The following CTNNA3 variants were observed in gnomAD, a reference collection of about 807,000 sequenced individuals.
The protein encoded by CTNNA3 is catenin alpha 3.
Under a neutral mutation model 95.7 loss-of-function variants are expected in CTNNA3, and 76 were observed. The ratio of observed to expected loss-of-function variants is 0.79; its 90% CI spans 0.66 to 0.96. The LOEUF (loss-of-function observed/expected upper bound fraction) is 0.96. Among genes scored for constraint, CTNNA3 ranks in the 40% least tolerant of loss-of-function variants. The pLI, the probability that CTNNA3 is intolerant of heterozygous loss-of-function variation, is 0.00. For synonymous variants in CTNNA3, 431 were observed against 374.4 expected, an observed-to-expected ratio of 1.15 and a Z score of -1.74; for missense variants, 1,191 against 1,089.8, an observed-to-expected ratio of 1.09 and a Z score of -1.31.
rs937928340 is a variant in CTNNA3, at chr10:67,732,083, C to CT, written c.-2+31350dup. Among the ~76,000 whole-genome samples the CT allele has an allele frequency of 3.1e-3, 433 of 141,936 alleles. 3 individuals carry two copies. Among genetic ancestry groups the CT allele is most frequent in the African/African-American group, 7.0e-3 (274 of 38,952 alleles). 93.1% of individuals were successfully genotyped at this position (141,936 alleles called of 152,430 possible). On this transcript the variant is annotated intron_variant, in intron 1 of 17. Transcript: ENST00000684154. Reference sequence around the variant, plus strand: ...GCGTGAGCCATCATGCCTGGCCCATCTTTTTTTTTTTTAAGCTTAATTGAA... The same window carrying CT: ...GCGTGAGCCATCATGCCTGGCCCATCTTTTTTTTTTTTTAAGCTTAATTGAA...
At chr10:66,159,048 G>A (rs1036353153) in intron 13 of CTNNA3, among the ~76,000 whole-genome samples, 1 of 152,090 alleles carries the variant, frequency 6.6e-6, no homozygotes, top group Admixed American at 6.6e-5. Flanking sequence ...TCAGTTCTAG[G>A]AGATTTCTGG....
intron 5 of CTNNA3, among the ~76,000 whole-genome samples, chr10:67,310,472 A>G (rs1026365597): frequency 2.6e-5 from 4 of 152,204 alleles, no homozygotes; most frequent in African/African-American, 9.6e-5. Context: ...ACACAGACTC[A>G]TTCATTCCCC....
At position 66,244,416 on chromosome 10, in the gene CTNNA3, TA is replaced by T. The variant is rs1397421002; in HGVS notation, c.1884+36053del. Reference sequence around the variant, plus strand: ...TGAGGGAACATAGGCAGTAGCCAGGTAGTAGTTACAGTGGGCTTTGAGCAAG... The same window carrying T: ...TGAGGGAACATAGGCAGTAGCCAGGTGTAGTTACAGTGGGCTTTGAGCAAG... On this transcript the variant is annotated intron_variant, in intron 13 of 17. Transcript: ENST00000433211. Among the ~76,000 whole-genome samples the T allele has an allele frequency of 7.8e-4, 118 of 152,246 alleles. 1 individual carries two copies. Among genetic ancestry groups the T allele is most frequent in the African/African-American group, 2.8e-3 (116 of 41,540 alleles).
intron 7 of CTNNA3, among the ~76,000 whole-genome samples, chr10:66,838,957 A>G (rs572686133): frequency 6.6e-6 from 1 of 152,146 alleles, no homozygotes; most frequent in East Asian, 1.9e-4. Context: ...TCACTATTTC[A>G]TTCTCCCTTC....
At chr10:65,935,631 T>G (rs2077325070) in intron 17 of CTNNA3, among the ~76,000 whole-genome samples, 1 of 152,188 alleles carries the variant, frequency 6.6e-6, no homozygotes, top group African/African-American at 2.4e-5. Flanking sequence ...TTTATAGCTT[T>G]TAATTATTTT....
At chr10:66,361,314 G>A (rs928697362) in intron 12 of CTNNA3, among the ~76,000 whole-genome samples, 10 of 41,738 alleles carry the variant, frequency 2.4e-4, no homozygotes, top group East Asian at 9.8e-4. Flanking sequence ...TCCCCTCCCC[G>A]CCCCTCCCCT....
intron 12 of CTNNA3, among the ~76,000 whole-genome samples, chr10:66,367,450 T>C (rs2092717956): frequency 6.6e-6 from 1 of 150,602 alleles, no homozygotes; most frequent in Non-Finnish European, 1.5e-5. Flanking sequence ...ATACTATACA[T>C]ATATAGTTGC....
At chr10:66,642,870 G>C (rs1412387841) in intron 9 of CTNNA3, among the ~76,000 whole-genome samples, 1 of 152,026 alleles carries the variant, frequency 6.6e-6, no homozygotes, top group African/African-American at 2.4e-5. Flanking sequence ...AGAATCCTAG[G>C]GGCATTTCCA....
intron 13 of CTNNA3, among the ~76,000 whole-genome samples, chr10:66,209,049 A>G (rs929130749): frequency 9.9e-5 from 15 of 152,146 alleles, no homozygotes; most frequent in South Asian, 2.1e-4. Context: ...GCAAATGCAT[A>G]TTTTTTAAAA....
Position 65,917,116 on chromosome 10 carries a change from G to A in CTNNA3, c.*3214C>T, listed in dbSNP as rs2077016706. On this transcript the variant is annotated 3_prime_UTR_variant, in exon 18 of 18. Coordinates refer to ENST00000433211, the MANE Select transcript of CTNNA3 (RefSeq NM_013266.4). ...CCTGTACATAAGAGATTTTTATGGG[G>A]AACAAATATGTTATATTGATCTTAT... is the stretch of plus-strand genomic sequence containing the variant. 6.6e-6 allele frequency: 1 copy of A among 152,120 alleles called. No individual in the cohort carries two copies. The highest frequency in any genetic ancestry group is 2.1e-4 in the South Asian group (1 of 4,826). 9.4% of individuals were successfully genotyped at this position (152,120 alleles called of 1,614,324 possible). A position where few individuals can be genotyped will look rare whatever the true frequency, so the allele number is the denominator to read the frequency against.
chr10:67,289,833 C>T (rs576768607), intron 5 of CTNNA3, among the ~76,000 whole-genome samples: 59 of 152,064 alleles, frequency 3.9e-4, no homozygotes, highest in African/African-American at 1.3e-3. Flanking sequence ...ATTTTAAAGA[C>T]AGTGTCTCAA....
chr10:67,469,483 C>T (rs930434273), intron 5 of CTNNA3, among the ~76,000 whole-genome samples: 2 of 151,858 alleles, frequency 1.3e-5, no homozygotes, highest in Non-Finnish European at 2.9e-5. Context: ...TGGAAACCAT[C>T]ATTCTCAGAA....
chr10:67,024,938 C>A lies in CTNNA3; in HGVS notation c.1047+155379G>T, dbSNP rs529896500. 4.4e-4 allele frequency among the ~76,000 whole-genome samples: 67 copies of A among 152,068 alleles called. 1 individual carries two copies. The highest frequency in any genetic ancestry group is 1.5e-3 in the African/African-American group (62 of 41,470). ...CTGAGGTCCGGAGTTTGAGACCAGC[C>A]TGACCAACAAGAAGACACCCTGTCT... On this transcript the variant is annotated intron_variant, in intron 7 of 17. Coordinates refer to ENST00000433211, the MANE Select transcript of CTNNA3 (RefSeq NM_013266.4).
chr10:67,220,543 G>A (rs961992165), intron 5 of CTNNA3, among the ~76,000 whole-genome samples: 15 of 152,106 alleles, frequency 9.9e-5, no homozygotes, highest in Admixed American at 9.2e-4. Flanking sequence ...TATACGAGAT[G>A]ATTTCAGGTG....
At chr10:66,787,518 C>T (rs534717060) in intron 7 of CTNNA3, among the ~76,000 whole-genome samples, 3 of 151,970 alleles carry the variant, frequency 2.0e-5, no homozygotes, top group Non-Finnish European at 2.9e-5. Flanking sequence ...CCTTCCTCTC[C>T]GGGAAGTGCT....
At chr10:66,535,577 T>C (rs1188334096) in intron 10 of CTNNA3, among the ~76,000 whole-genome samples, 1 of 152,198 alleles carries the variant, frequency 6.6e-6, no homozygotes, top group Non-Finnish European at 1.5e-5. Context: ...AATGTCATTC[T>C]ATGTAATGGA....
intron 7 of CTNNA3, among the ~76,000 whole-genome samples, chr10:66,798,693 A>G (rs1225724195): frequency 6.6e-6 from 1 of 151,692 alleles, no homozygotes; most frequent in Admixed American, 6.6e-5. Context: ...TTGATTAGTG[A>G]AGTGATGAAA....
chr10:67,598,171 G>A (rs1397901375), intron 3 of CTNNA3, among the ~76,000 whole-genome samples: 1 of 152,068 alleles, frequency 6.6e-6, no homozygotes, highest in Non-Finnish European at 1.5e-5. Context: ...GGCATCCCTG[G>A]CCATGTGCCA....
chr10:65,968,306 G>C (rs963431348), intron 16 of CTNNA3, among the ~76,000 whole-genome samples: 4 of 152,216 alleles, frequency 2.6e-5, no homozygotes, highest in Admixed American at 2.6e-4. Context: ...AGCCCGAGAA[G>C]TTAATGCTGC....
Sources: allele counts gnomAD v4.1 joint callset (sites outside exome capture counted in the v4.1 genomes callset), GRCh38; gene constraint gnomAD v4.1.1; transcripts MANE v1.5; gene names NCBI Gene and HGNC (gene_info 2026-07-23, HGNC 2026-07-21).